The following LINGO1 variants were observed in gnomAD, a reference collection of about 807,000 sequenced individuals.
LINGO1 encodes the protein leucine-rich repeat and immunoglobulin-like domain-containing nogo receptor-interacting protein 1.
A neutral mutation model predicts 37.3 loss-of-function variants in LINGO1; 11 were observed. That is an observed-to-expected ratio of 0.29 (90% confidence interval 0.19 to 0.49). The LOEUF (loss-of-function observed/expected upper bound fraction) is 0.49. LINGO1 is among the 20% of genes least tolerant of loss of function. LINGO1 has a pLI of 0.99. For synonymous variants in LINGO1, 387 were observed against 403.0 expected (o/e 0.96, Z 0.48); for missense variants, 585 against 878.2 (o/e 0.67, Z 4.22).
At chr15:77,661,734 T>C (rs2074998061) in intron 3 of LINGO1, among the ~76,000 whole-genome samples, 1 of 152,174 alleles carries the variant, frequency 6.6e-6, no homozygotes, top group Non-Finnish European at 1.5e-5. Context: ...TGCTTCTTTT[T>C]CCCTCCTGCC....
intron 2 of LINGO1, among the ~76,000 whole-genome samples, chr15:77,722,202 C>A (rs988912570): frequency 2.0e-5 from 3 of 151,682 alleles, no homozygotes; most frequent in Non-Finnish European, 1.5e-5. Flanking sequence ...CCCGGTAAAG[C>A]TCAGCACACC....
chr15:77,738,832 G>A (rs1206289361), intron 1 of LINGO1, among the ~76,000 whole-genome samples: 1 of 152,038 alleles, frequency 6.6e-6, no homozygotes, highest in Non-Finnish European at 1.5e-5. Flanking sequence ...AGGAAGGAAG[G>A]GGCACAGCCA....
At chr15:77,745,808 C>T (rs1217601718) in intron 1 of LINGO1, among the ~76,000 whole-genome samples, 3 of 152,092 alleles carry the variant, frequency 2.0e-5, no homozygotes, top group Admixed American at 6.5e-5. Context: ...TGCCATATTC[C>T]GCATGCCTCT....
intron 1 of LINGO1, among the ~76,000 whole-genome samples, chr15:77,620,559 G>A (rs1347206220): frequency 6.6e-6 from 1 of 152,244 alleles, no homozygotes; most frequent in South Asian, 2.1e-4. Context: ...GTGTGACCTC[G>A]GCAATGCCTG....
chr15:77,644,301 C>T (rs1161374473), intron 3 of LINGO1, among the ~76,000 whole-genome samples: 1 of 152,216 alleles, frequency 6.6e-6, no homozygotes, highest in Non-Finnish European at 1.5e-5. Context: ...GGTTGCCCAG[C>T]TGTGCCGGAG....
At chr15:77,722,191 G>GCTTGTTAATGC (rs58895986) in intron 2 of LINGO1, among the ~76,000 whole-genome samples, 76,700 of 151,460 alleles carry the variant, frequency 0.51, 19,464 homozygotes, top group Admixed American at 0.6. Flanking sequence ...CTTTTAAATG[G>GCTTGTTAATGC]CCCGGTAAAG....
chr15:77,614,907 G>C lies in LINGO1; in HGVS notation c.1000C>G (p.Leu334Val), dbSNP rs1339506798. The C allele has an allele frequency of 6.2e-7, 1 of 1,614,002 alleles. No homozygotes were observed. The highest frequency in any genetic ancestry group is 1.7e-5 in the Admixed American group (1 of 60,018). The change falls in exon 2 of 2, where the codon CTC (leucine) becomes GTC (valine). Residue 334 changes from leucine to valine, a missense_variant. Transcript: ENST00000355300. ...AVVEPYAFRG[L>V]NYLRVLNVSG... ...ACATTGAGCACGCGCAGGTAGTTGAGGCCGCGGAAGGCATAGGGCTCCACC... is the reference window on the plus strand; with the variant it reads ...ACATTGAGCACGCGCAGGTAGTTGACGCCGCGGAAGGCATAGGGCTCCACC...
At chr15:77,628,293 T>A (rs190936082) in intron 1 of LINGO1, among the ~76,000 whole-genome samples, 28 of 152,208 alleles carry the variant, frequency 1.8e-4, no homozygotes, top group African/African-American at 6.3e-4. Context: ...GAGCAAAAAA[T>A]GGAAATAACC....
Position 77,655,703 on chromosome 15 carries a change from G to C in LINGO1, c.-13+21386C>G, listed in dbSNP as rs554452926. 9.9e-4 allele frequency among the ~76,000 whole-genome samples: 150 copies of C among 152,276 alleles called. 3 individuals carry two copies. The South Asian group carries it at 0.01, about 10-fold the overall frequency. ...GGCCTAATGAGGTTCATTTGCCAGG[G>C]GTATGAAGAGATGGAACCAGATTCA... On this transcript the variant is annotated intron_variant, in intron 3 of 3. Coordinates refer to the LINGO1 transcript ENST00000559893.
chr15:77,717,885 T>G (rs982486594), intron 2 of LINGO1, among the ~76,000 whole-genome samples: 10 of 150,582 alleles, frequency 6.6e-5, no homozygotes, highest in African/African-American at 2.4e-4. Flanking sequence ...GGGGCCCGAG[T>G]GGAGAAGGAA....
At chr15:77,799,344 T>C (rs1555544120) in intron 1 of LINGO1, among the ~76,000 whole-genome samples, 1 of 152,166 alleles carries the variant, frequency 6.6e-6, no homozygotes, top group Non-Finnish European at 1.5e-5. Context: ...CTCAGAGTTT[T>C]AGGTTATGCA....
intron 3 of LINGO1, among the ~76,000 whole-genome samples, chr15:77,652,483 A>AGTGTGTGTGTGTGTGT (rs773433884): frequency 0.012 from 1,512 of 128,916 alleles, 35 homozygotes; most frequent in East Asian, 0.021. Context: ...GGGGAGGGAG[A>AGTGTGTGTGTGTGTGT]GTGTGTGTGT....
chr15:77,654,056 G>C (rs1885238541), intron 3 of LINGO1, among the ~76,000 whole-genome samples: 1 of 152,216 alleles, frequency 6.6e-6, no homozygotes, highest in Admixed American at 6.5e-5. Flanking sequence ...TGACATGTTA[G>C]TGGAAGTTAC....
At chr15:77,711,887 G>GT (rs974134815) in intron 2 of LINGO1, among the ~76,000 whole-genome samples, 6 of 151,974 alleles carry the variant, frequency 3.9e-5, no homozygotes, top group East Asian at 1.9e-4. Flanking sequence ...CCTCTGAGGG[G>GT]GGGGCACACA....
intron 1 of LINGO1, among the ~76,000 whole-genome samples, chr15:77,758,272 A>T (rs1334684320): frequency 6.6e-6 from 1 of 152,108 alleles, no homozygotes; most frequent in Non-Finnish European, 1.5e-5. Context: ...TCAATGCAAC[A>T]AGTAGGTACA....
intron 2 of LINGO1, among the ~76,000 whole-genome samples, chr15:77,734,346 T>TACAAA (rs952141706): frequency 6.6e-6 from 1 of 151,232 alleles, no homozygotes; most frequent in African/African-American, 2.4e-5. Flanking sequence ...TTAATTAAAA[T>TACAAA]ACAAAACAAA....
chr15:77,722,432 C>T (rs2076060263), intron 2 of LINGO1, among the ~76,000 whole-genome samples: 1 of 152,218 alleles, frequency 6.6e-6, no homozygotes, highest in Non-Finnish European at 1.5e-5. Flanking sequence ...GAGGAATGAG[C>T]ACTGGCTTTA....
chr15:77,734,589 C>A (rs1334640916), intron 2 of LINGO1, among the ~76,000 whole-genome samples: 1 of 151,874 alleles, frequency 6.6e-6, no homozygotes, highest in African/African-American at 2.4e-5. Context: ...CTGTCCCCCA[C>A]AGGCCGCCCA....
intron 1 of LINGO1, among the ~76,000 whole-genome samples, chr15:77,806,850 C>A (rs2076964093): frequency 2.6e-5 from 4 of 152,070 alleles, no homozygotes; most frequent in Admixed American, 2.6e-4. Flanking sequence ...ACCAGCCTCC[C>A]AGCCAGCATC....
Sources: allele counts gnomAD v4.1 joint callset (sites outside exome capture counted in the v4.1 genomes callset), GRCh38; gene constraint gnomAD v4.1.1; transcripts MANE v1.5; gene names NCBI Gene and HGNC (gene_info 2026-07-23, HGNC 2026-07-21).